The following TUBE1 variants were observed in gnomAD, a reference collection of about 807,000 sequenced individuals.
TUBE1 encodes the protein tubulin epsilon 1.
In TUBE1, 34 loss-of-function variants were observed where a neutral mutation model predicts 53.5. That is an observed-to-expected ratio of 0.64 (90% CI 0.48 to 0.85). TUBE1 has a LOEUF of 0.85. TUBE1 is among the 40% of genes least tolerant of loss of function. TUBE1 has a pLI of 0.00. For synonymous variants in TUBE1, 177 were observed against 198.4 expected (o/e 0.89, Z 0.91); for missense variants, 532 against 570.5 (o/e 0.93, Z 0.69).
At chr6:112,081,913 A>G (rs1777077728) in intron 4 of TUBE1, among the ~76,000 whole-genome samples, 1 of 152,094 alleles carries the variant, frequency 6.6e-6, no homozygotes, top group African/African-American at 2.4e-5. Flanking sequence ...TACTTTCCAT[A>G]TATTCTACAG....
At chr6:112,085,841 T>C (rs1583599733) in intron 3 of TUBE1, 1 of 377,330 alleles carries the variant, frequency 2.7e-6, no homozygotes, top group East Asian at 7.4e-5. Flanking sequence ...GAGATGCCAA[T>C]GACACTTCTG....
chr6:112,079,612 C>G, intron 6 of TUBE1, 21 bp downstream of exon 6: 2 of 1,610,344 alleles, frequency 1.2e-6, no homozygotes, highest in Non-Finnish European at 1.7e-6. Context: ...CTGTTACAGG[C>G]AAATGAGTGA....
intron 4 of TUBE1, among the ~76,000 whole-genome samples, chr6:112,083,386 C>T (rs142748277): frequency 4.3e-4 from 65 of 150,058 alleles, no homozygotes; most frequent in African/African-American, 1.3e-3. Flanking sequence ...GGCGCGATCT[C>T]GGCTCACTGC....
chr6:112,081,473 T>C (rs1777069691), intron 4 of TUBE1, among the ~76,000 whole-genome samples: 2 of 152,072 alleles, frequency 1.3e-5, no homozygotes, highest in Non-Finnish European at 2.9e-5. Context: ...AATAATCCCC[T>C]CAACTGTATT....
Position 112,076,522 on chromosome 6 carries a change from G to GT in TUBE1, c.449-14dup. 6.4e-7 allele frequency: 1 copy of GT among 1,561,686 alleles called. No homozygotes were observed. On this transcript the variant is annotated splice_polypyrimidine_tract_variant and intron_variant, in intron 6 of 11. Coordinates refer to ENST00000368662, the MANE Select transcript of TUBE1 (RefSeq NM_016262.5). Reference sequence around the variant, plus strand: ...CCAGATCCTGTTCCTGAGGATTAAAGTGTTTTTAAAAATTAGCATAAATGA... The same window carrying GT: ...CCAGATCCTGTTCCTGAGGATTAAAGTTGTTTTTAAAAATTAGCATAAATGA...
Position 112,071,967 on chromosome 6 carries a change from T to G in TUBE1, c.1204A>C (p.Asn402His), listed in dbSNP as rs782394567. 17 of 1,612,798 alleles carry G rather than the reference T, an allele frequency of 1.1e-5. No homozygotes were observed. Among genetic ancestry groups the G allele is most frequent in the Middle Eastern group, 1.8e-4 (1 of 5,672 alleles). ...HSHSLLALAN[N>H]TCVKPTFMEL... ...ATGAAGGTGGGCTTCACACATGTGT[T>G]ATTTGCTAAAGCTAATAACGAATGA... Residue 402 changes from asparagine (N) to histidine (H), a missense_variant, in exon 11 of 12, where the codon AAC becomes CAC. Asn to His is a moderately conservative substitution (Grantham distance 68). Coordinates refer to ENST00000368662, the MANE Select transcript of TUBE1 (RefSeq NM_016262.5).
At chr6:112,072,940 T>C in intron 9 of TUBE1, 42 bp from the exon 10 acceptor site, 1 of 1,598,848 alleles carries the variant, frequency 6.3e-7, no homozygotes, top group Non-Finnish European at 8.5e-7. Flanking sequence ...AAATATTACT[T>C]CTTTCTATGT....
rs1562601887 is a variant in TUBE1 at position 112,072,769 on chromosome 6, T to G, written c.1083A>C (p.Arg361Ser). 6.2e-7 allele frequency: 1 copy of G among 1,612,960 alleles called. No individual in the cohort carries two copies. Among genetic ancestry groups the G allele is most frequent in the East Asian group, 2.2e-5 (1 of 44,862 alleles). ...RGNVQISDLRRNIERLKPSLQ... is the reference protein window; with the variant it reads ...RGNVQISDLRSNIERLKPSLQ... ...AATATAAACCAAACCTTTCAATATTTCTACGAAGATCTGAAATTTGTACAT... is the reference window on the plus strand; with the variant it reads ...AATATAAACCAAACCTTTCAATATTGCTACGAAGATCTGAAATTTGTACAT... The change falls in exon 10 of 12, where the codon AGA becomes AGC. Residue 361 changes from arginine to serine, a missense_variant. Coordinates refer to ENST00000368662, the MANE Select transcript of TUBE1 (RefSeq NM_016262.5).
rs868994007 is a variant in TUBE1, at chr6:112,076,422, G to T, written c.536C>A (p.Pro179His). 1 of 1,613,518 alleles carries T rather than the reference G, an allele frequency of 6.2e-7. No individual in the cohort carries two copies. The highest frequency in any genetic ancestry group is 8.5e-7 in the Non-Finnish European group (1 of 1,179,790). Reference protein sequence around the residue: ...EVYRFVTSIYPSGEDDVITSP... With the variant: ...EVYRFVTSIYHSGEDDVITSP... ...GGTTATGACATCATCCTCACCAGAAGGATAAATGGAAGTCACAAATCTGTA... is the reference window on the plus strand; with the variant it reads ...GGTTATGACATCATCCTCACCAGAATGATAAATGGAAGTCACAAATCTGTA... The change falls in exon 7 of 12, where the codon CCT becomes CAT. Residue 179 changes from proline (P) to histidine (H), a missense_variant. Physicochemically the swap from Pro to His is moderately conservative, Grantham distance 77. Transcript: ENST00000368662.
chr6:112,078,320 C>T (rs1777007800), intron 6 of TUBE1: 1 of 151,966 alleles, frequency 6.6e-6, no homozygotes. Flanking sequence ...AAAAACTAAA[C>T]ACCATAAACA....
chr6:112,087,225 G>A lies in TUBE1; in HGVS notation c.99+8C>T, dbSNP rs959007138. The A allele has an allele frequency of 5.8e-6, 9 of 1,550,238 alleles. No homozygotes were observed. Among genetic ancestry groups the A allele is most frequent in the Middle Eastern group, 1.7e-4 (1 of 5,846 alleles). ...CAGGCGAGGGGGCTCGCGGCGGCGG[G>A]CGGGTACCTGGTTGACCGCGGCGTG... On this transcript the variant is annotated splice_region_variant and intron_variant, in intron 2 of 11. Coordinates refer to ENST00000368662, the MANE Select transcript of TUBE1 (RefSeq NM_016262.5).
In TUBE1 at chr6:112,079,751, G is replaced by A. The variant is rs1427438215; in HGVS notation, c.330C>T (p.Ala110=). 1.8e-5 allele frequency: 28 copies of A among 1,597,142 alleles called. No individual in the cohort carries two copies. Among genetic ancestry groups the A allele is most frequent in the East Asian group, 2.3e-5 (1 of 44,284 alleles). Residue 110 remains alanine (A), a synonymous_variant, in exon 6 of 12, where the codon GCC becomes GCT. Coordinates refer to ENST00000368662, the MANE Select transcript of TUBE1 (RefSeq NM_016262.5). ...TDISGSGNNW[A]VGHKVFGSLY... The stretch of plus-strand genomic sequence containing the variant: ...GACTGCCGAAAACTTTGTGACCCAC[G>A]GCCCTGAAAATTAGAATATGGATTT...
intron 6 of TUBE1, 87 bp downstream of exon 6, chr6:112,079,546 C>A (rs782213396): frequency 3.7e-6 from 5 of 1,351,256 alleles, no homozygotes; most frequent in Non-Finnish European, 5.2e-6. Flanking sequence ...TTATCAAGCA[C>A]AGGTCTAAAA....
chr6:112,079,125 A>T (rs1206570509), intron 6 of TUBE1, among the ~76,000 whole-genome samples: 1 of 152,068 alleles, frequency 6.6e-6, no homozygotes, highest in Non-Finnish European at 1.5e-5. Context: ...GTAATAAATG[A>T]TCTAAAGGAA....
rs1400342512 is a variant in TUBE1, at chr6:112,076,353, T to C, written c.605A>G (p.His202Arg). Residue 202 changes from histidine (H) to arginine (R), a missense_variant, in exon 7 of 12, where the codon CAT becomes CGT. By Grantham distance (29) the His-to-Arg change is conservative. Coordinates refer to ENST00000368662, the MANE Select transcript of TUBE1 (RefSeq NM_016262.5). The stretch of plus-strand genomic sequence containing the variant: ...GTCAATGGGCAATACACAGTCTGCA[T>C]GCTCATTAAGTTCCTTCATTGCCAA... The part of the protein sequence containing the change: ...SILAMKELNE[H>R]ADCVLPIDNQ... 1 of 1,601,382 alleles carries C rather than the reference T, an allele frequency of 6.2e-7. No individual in the cohort carries two copies. The highest frequency in any genetic ancestry group is 8.5e-7 in the Non-Finnish European group (1 of 1,175,184).
chr6:112,076,908 T>C (rs1428468759), intron 6 of TUBE1: 1 of 153,238 alleles, frequency 6.5e-6, no homozygotes, highest in African/African-American at 2.4e-5. Flanking sequence ...CTTATTTCTG[T>C]GATTATATAT....
intron 6 of TUBE1, 104 bp from the exon 7 acceptor site, chr6:112,076,613 C>T (rs1776975688): frequency 9.6e-7 from 1 of 1,042,802 alleles, no homozygotes; most frequent in African/African-American, 1.6e-5. Flanking sequence ...GCTCTGTCAC[C>T]CAGGCTGGAG....
chr6:112,076,414 C>T lies in TUBE1; in HGVS notation c.544G>A (p.Glu182Lys), dbSNP rs1554316077. The change falls in exon 7 of 12, where the codon GAG becomes AAG. Residue 182 changes from glutamate to lysine, a missense_variant. Transcript: ENST00000368662. ...RFVTSIYPSG[E>K]DDVITSPYNS... Reference sequence around the variant, plus strand: ...TAAGGTGAGGTTATGACATCATCCTCACCAGAAGGATAAATGGAAGTCACA... The same window carrying T: ...TAAGGTGAGGTTATGACATCATCCTTACCAGAAGGATAAATGGAAGTCACA... The T allele has an allele frequency of 1.2e-6, 2 of 1,613,618 alleles. No individual in the cohort carries two copies. The highest frequency in any genetic ancestry group is 8.5e-7 in the Non-Finnish European group (1 of 1,179,764).
chr6:112,076,281 A>G (rs782658670), intron 7 of TUBE1, 41 bp downstream of exon 7: 2 of 1,513,278 alleles, frequency 1.3e-6, no homozygotes, highest in Non-Finnish European at 1.8e-6. Context: ...AGGACTGAAT[A>G]TATATAACAT....
Sources: gnomAD v4.1 joint callset for allele counts (sites outside exome capture counted in the v4.1 genomes callset) on GRCh38, gnomAD v4.1.1 for gene constraint, MANE v1.5 for transcripts, NCBI Gene and HGNC (gene_info 2026-07-23, HGNC 2026-07-21) for gene names.